The following DUSP16 variants were observed in gnomAD, a reference collection of about 807,000 sequenced individuals.
The protein encoded by DUSP16 is dual specificity protein phosphatase 16.
DUSP16 carries 21 observed loss-of-function variants against 58.3 expected under a neutral mutation model. The observed-to-expected ratio is 0.36, with a 90% CI of 0.26 to 0.52. The LOEUF (loss-of-function observed/expected upper bound fraction) is 0.52, where lower values mean the gene tolerates loss of function less well. DUSP16 is among the 20% of genes least tolerant of loss of function. The pLI, the probability that DUSP16 is intolerant of heterozygous loss-of-function variation, is 0.94. For missense variants in DUSP16, 726 were observed against 819.0 expected (o/e 0.89, Z 1.39); for synonymous variants, 320 against 323.8 (o/e 0.99, Z 0.12).
chr12:12,499,739 G>A (rs1203815722), intron 4 of DUSP16, among the ~76,000 whole-genome samples: 1 of 152,152 alleles, frequency 6.6e-6, no homozygotes, highest in Non-Finnish European at 1.5e-5. Context: ...TCAATTTGTG[G>A]TGATGTAAAT....
At chr12:12,531,887 G>A (rs1334260130) in intron 1 of DUSP16, among the ~76,000 whole-genome samples, 14 of 150,452 alleles carry the variant, frequency 9.3e-5, no homozygotes, top group Middle Eastern at 7.8e-3. Context: ...GGCCGGGCGC[G>A]GTGGCTCACG....
chr12:12,519,302 C>T (rs1451228765), intron 3 of DUSP16, among the ~76,000 whole-genome samples: 23 of 152,206 alleles, frequency 1.5e-4, no homozygotes, highest in Non-Finnish European at 2.9e-5. Flanking sequence ...AATTATAAAA[C>T]AAATAAAAAT....
chr12:12,557,473 A>G (rs983284894), intron 1 of DUSP16, among the ~76,000 whole-genome samples: 1 of 151,894 alleles, frequency 6.6e-6, no homozygotes, highest in Non-Finnish European at 1.5e-5. Context: ...AAAAAAAAAA[A>G]ATCTAAGTTT....
chr12:12,479,724 C>A (rs1208506296), intron 6 of DUSP16, among the ~76,000 whole-genome samples: 1 of 152,176 alleles, frequency 6.6e-6, no homozygotes, highest in Non-Finnish European at 1.5e-5. Flanking sequence ...AAATCACACA[C>A]ACACAATCTG....
intron 6 of DUSP16, among the ~76,000 whole-genome samples, chr12:12,479,978 T>C (rs1277747312): frequency 6.6e-6 from 1 of 152,214 alleles, no homozygotes; most frequent in Non-Finnish European, 1.5e-5. Flanking sequence ...CCTGGATCTG[T>C]TGTTCCTTAA....
At chr12:12,537,222 T>C (rs1944480029) in intron 1 of DUSP16, among the ~76,000 whole-genome samples, 1 of 152,136 alleles carries the variant, frequency 6.6e-6, no homozygotes, top group Non-Finnish European at 1.5e-5. Context: ...TGTCATGTCA[T>C]GAAAAAAAGA....
intron 1 of DUSP16, among the ~76,000 whole-genome samples, chr12:12,553,082 A>G (rs989392694): frequency 6.6e-6 from 1 of 151,814 alleles, no homozygotes; most frequent in African/African-American, 2.4e-5. Context: ...TGCCTGGCCT[A>G]ATGTTTGTTA....
Position 12,528,059 on chromosome 12 carries a change from T to C in DUSP16, c.-365-6596A>G, listed in dbSNP as rs186771719. ...GGCAAGGAGCACTCCCCTCCTGGTA[T>C]TGGCTCAATCAGAGCTCTTGTCTTT... On this transcript the variant is annotated intron_variant, in intron 1 of 6. Transcript: ENST00000298573. Among the ~76,000 whole-genome samples the C allele has an allele frequency of 5.9e-5, 9 of 152,356 alleles. No individual in the cohort carries two copies. The South Asian group carries it at 6.2e-4, about 11-fold the overall frequency.
chr12:12,522,603 A>T (rs555367216), intron 1 of DUSP16, among the ~76,000 whole-genome samples: 4 of 151,012 alleles, frequency 2.6e-5, no homozygotes, highest in Admixed American at 6.6e-5. Flanking sequence ...TTGCTCTGTC[A>T]CCCAGGCTGC....
chr12:12,558,296 CTTTT>C (rs954737531), intron 1 of DUSP16, among the ~76,000 whole-genome samples: 3 of 152,140 alleles, frequency 2.0e-5, no homozygotes, highest in African/African-American at 2.4e-5. Context: ...GCGAATCCCT[CTTTT>C]TATTTCTGAC....
At chr12:12,478,254 A>G (rs1258837107) in intron 6 of DUSP16, among the ~76,000 whole-genome samples, 1 of 151,986 alleles carries the variant, frequency 6.6e-6, no homozygotes, top group Non-Finnish European at 1.5e-5. Context: ...CAAAGGCTCT[A>G]GTTTTTGTCT....
At chr12:12,486,481 AGTGTGTGTGTGTGTGTGTGTGTGT>A (rs56941943) in intron 5 of DUSP16, among the ~76,000 whole-genome samples, 1 of 147,262 alleles carries the variant, frequency 6.8e-6, no homozygotes, top group African/African-American at 2.5e-5. Context: ...ACCAAATGAG[AGTGTGTGTGTGTGTGTGTGTGTGT>A]GTGTGTGTGT....
chr12:12,538,229 TCAAGACCTA>T (rs1001064715), intron 1 of DUSP16, among the ~76,000 whole-genome samples: 8 of 152,194 alleles, frequency 5.3e-5, no homozygotes, highest in Non-Finnish European at 8.8e-5. Context: ...TAATCAGTTG[TCAAGACCTA>T]CTGATTTTCA....
At chr12:12,489,494 T>C (rs1475420167) in intron 4 of DUSP16, among the ~76,000 whole-genome samples, 2 of 152,228 alleles carry the variant, frequency 1.3e-5, no homozygotes, top group African/African-American at 2.4e-5. Flanking sequence ...AATAGTCCTT[T>C]CCACCAACGG....
At chr12:12,546,377 C>T (rs1207716321) in intron 1 of DUSP16, among the ~76,000 whole-genome samples, 1 of 152,172 alleles carries the variant, frequency 6.6e-6, no homozygotes, top group African/African-American at 2.4e-5. Context: ...ACTGTCAGTG[C>T]TACCAAATAT....
chr12:12,539,121 CT>C (rs1944512163), intron 1 of DUSP16, among the ~76,000 whole-genome samples: 2 of 152,188 alleles, frequency 1.3e-5, no homozygotes, highest in South Asian at 4.1e-4. Context: ...TCCTAAAAAA[CT>C]GTCACAAGGG....
chr12:12,558,692 T>C (rs538723323), intron 1 of DUSP16, among the ~76,000 whole-genome samples: 546 of 152,320 alleles, frequency 3.6e-3, no homozygotes, highest in Non-Finnish European at 5.3e-3. Context: ...CATTTTTTAA[T>C]GTAATAAAAA....
At chr12:12,552,891 G>A (rs989595188) in intron 1 of DUSP16, among the ~76,000 whole-genome samples, 1 of 151,714 alleles carries the variant, frequency 6.6e-6, no homozygotes, top group East Asian at 1.9e-4. Flanking sequence ...AGCGATTCTC[G>A]TGCCTCAGCC....
intron 1 of DUSP16, among the ~76,000 whole-genome samples, chr12:12,545,249 A>T (rs916708926): frequency 1.3e-5 from 2 of 152,090 alleles, no homozygotes; most frequent in African/African-American, 4.8e-5. Context: ...CCTCACATCC[A>T]GTAATCTTAC....
Sources: gnomAD v4.1 joint callset for allele counts (sites outside exome capture counted in the v4.1 genomes callset) on GRCh38, gnomAD v4.1.1 for gene constraint, MANE v1.5 for transcripts, NCBI Gene and HGNC (gene_info 2026-07-23, HGNC 2026-07-21) for gene names.